Variants in GAS2L3 observed in about 807,000 individuals in gnomAD.
GAS2L3 encodes the protein GAS2-like protein 3.
A neutral mutation model predicts 37.0 loss-of-function variants in GAS2L3; 28 were observed. That is an observed-to-expected ratio of 0.76 (90% CI 0.56 to 1.04). The LOEUF (loss-of-function observed/expected upper bound fraction) is 1.04. GAS2L3 is among the 50% of genes least tolerant of loss of function. GAS2L3 has a pLI of 0.00. For missense variants in GAS2L3, 793 were observed against 817.6 expected (o/e 0.97, Z 0.37); for synonymous variants, 290 against 296.6 (o/e 0.98, Z 0.23).
Position 100,624,045 on chromosome 12 carries a change from A to G in GAS2L3, c.1240A>G (p.Lys414Glu), listed in dbSNP as rs777751610. ...ACTTGCTTCATTAAATCCAGTAGGTAAAAACACTTCTTCACCAGCTTTACC... is the reference window on the plus strand; with the variant it reads ...ACTTGCTTCATTAAATCCAGTAGGTGAAAACACTTCTTCACCAGCTTTACC... ...SSLASLNPVG[K>E]NTSSPALPRT... The change falls in exon 10 of 10, where the codon AAA (lysine) becomes GAA (glutamate). Residue 414 changes from lysine to glutamate, a missense_variant. Physicochemically the swap from Lys to Glu is moderately conservative, Grantham distance 56 (BLOSUM62 1). Coordinates refer to ENST00000547754, the MANE Select transcript of GAS2L3 (RefSeq NM_174942.3). 24 of 1,614,012 alleles carry G rather than the reference A, an allele frequency of 1.5e-5. No individual in the cohort carries two copies. The South Asian group carries it at 2.5e-4, about 17-fold the overall frequency.
At chr12:100,619,617 A>G (rs1956229546) in intron 8 of GAS2L3, among the ~76,000 whole-genome samples, 1 of 151,990 alleles carries the variant, frequency 6.6e-6, no homozygotes, top group African/African-American at 2.4e-5. Context: ...TACCTACATT[A>G]TGCTATTCAT....
At chr12:100,619,741 GA>G (rs1442666879) in intron 8 of GAS2L3, among the ~76,000 whole-genome samples, 1 of 151,908 alleles carries the variant, frequency 6.6e-6, no homozygotes, top group East Asian at 1.9e-4. Flanking sequence ...AATGATAAAT[GA>G]AAAGGAAACA....
chr12:100,618,464 A>G lies in GAS2L3; in HGVS notation c.525A>G (p.Pro175=). Residue 175 remains proline, a synonymous_variant, in exon 8 of 10, where the codon CCA becomes CCG. Transcript: ENST00000547754. ...GRIVSRYGVE[P]PVLVKLEKEI... ...TGGTTTTCAGATACGGGGTTGAGCC[A>G]CCAGTGTTAGTAAAACTTGAGAAAG... 6.2e-7 allele frequency: 1 copy of G among 1,610,416 alleles called. No homozygotes were observed. Among genetic ancestry groups the G allele is most frequent in the Non-Finnish European group, 8.5e-7 (1 of 1,178,446 alleles).
intron 1 of GAS2L3, among the ~76,000 whole-genome samples, chr12:100,584,595 A>G (rs1014317512): frequency 7.4e-5 from 11 of 149,554 alleles, no homozygotes; most frequent in Non-Finnish European, 1.3e-4. Flanking sequence ...TTTTTTTGAG[A>G]CAGAGTCTCG....
At chr12:100,610,279 C>T (rs1187304047) in intron 5 of GAS2L3, among the ~76,000 whole-genome samples, 2 of 152,134 alleles carry the variant, frequency 1.3e-5, no homozygotes, top group East Asian at 1.9e-4. Flanking sequence ...TAACCAGACA[C>T]GTTGGAATAT....
chr12:100,582,731 T>G (rs1477508038), intron 1 of GAS2L3, among the ~76,000 whole-genome samples: 6 of 152,334 alleles, frequency 3.9e-5, no homozygotes, highest in East Asian at 3.9e-4. Context: ...CACAAATTTA[T>G]TGGTTTAAGA....
At chr12:100,617,418 G>T in intron 6 of GAS2L3, among the ~76,000 whole-genome samples, 1 of 152,178 alleles carries the variant, frequency 6.6e-6, no homozygotes. Context: ...TAAAATTGCG[G>T]TACTATATAT....
chr12:100,588,155 A>T (rs551712951), intron 1 of GAS2L3, among the ~76,000 whole-genome samples: 1 of 152,340 alleles, frequency 6.6e-6, no homozygotes, highest in Admixed American at 6.5e-5. Context: ...TAAAACCCTA[A>T]GGACTCCTCC....
intron 6 of GAS2L3, among the ~76,000 whole-genome samples, chr12:100,615,946 A>G (rs1167457650): frequency 2.6e-5 from 4 of 151,878 alleles, no homozygotes; most frequent in Non-Finnish European, 5.9e-5. Flanking sequence ...TTCTTTTTCT[A>G]GATTGGTTAG....
intron 6 of GAS2L3, chr12:100,612,348 C>T: frequency 2.1e-6 from 1 of 479,320 alleles, no homozygotes; most frequent in East Asian, 4.1e-5. Context: ...TTTTATGTGT[C>T]TAGAATGTCC....
Position 100,601,772 on chromosome 12 carries a change from G to C in GAS2L3, c.303+19G>C. 7.7e-7 allele frequency: 1 copy of C among 1,302,916 alleles called. No individual in the cohort carries two copies. 80.7% of individuals were successfully genotyped at this position (1,302,916 alleles called of 1,614,324 possible). On this transcript the variant is annotated intron_variant, in intron 5 of 9. Transcript: ENST00000547754. The stretch of plus-strand genomic sequence containing the variant: ...ATCAGGGGTAAGTAAATGTTCGACA[G>C]TATTGATTTTATGTCTTGGTACATA...
intron 1 of GAS2L3, 126 bp downstream of exon 1, chr12:100,573,911 G>T (rs1311191928): frequency 6.6e-6 from 1 of 152,308 alleles, no homozygotes; most frequent in African/African-American, 2.4e-5. Context: ...GCTGAGGTTT[G>T]TTGGGTCTCC....
chr12:100,607,748 C>G (rs952709317), intron 5 of GAS2L3, among the ~76,000 whole-genome samples: 3 of 152,028 alleles, frequency 2.0e-5, no homozygotes, highest in African/African-American at 7.2e-5. Flanking sequence ...CATTTCTCAA[C>G]TCTAGAATTT....
At chr12:100,581,798 A>C (rs1955715807) in intron 1 of GAS2L3, among the ~76,000 whole-genome samples, 1 of 152,212 alleles carries the variant, frequency 6.6e-6, no homozygotes, top group South Asian at 2.1e-4. Context: ...TTACTTAACA[A>C]GTTTTAAAGG....
Position 100,625,018 on chromosome 12 carries a change from G to C in GAS2L3, c.*128G>C, listed in dbSNP as rs377518720. The C allele has an allele frequency of 5.6e-6, 4 of 718,950 alleles. No homozygotes were observed. Among genetic ancestry groups the C allele is most frequent in the Admixed American group, 5.0e-5 (2 of 39,760 alleles). The allele number at this position is 718,950 out of a possible 1,614,324, so 44.5% of individuals were successfully genotyped here. On this transcript the variant is annotated 3_prime_UTR_variant, in exon 10 of 10. Coordinates refer to ENST00000547754, the MANE Select transcript of GAS2L3 (RefSeq NM_174942.3). ...TAAGGATAGTGAGGATGGAGGCTGG[G>C]ATGAGGAAAGGGTTCATCAGAATTC...
intron 1 of GAS2L3, among the ~76,000 whole-genome samples, chr12:100,583,254 G>T (rs184884778): frequency 6.6e-6 from 1 of 152,338 alleles, no homozygotes; most frequent in Admixed American, 6.5e-5. Context: ...TAATCTGAAA[G>T]GTCCCATTTG....
rs1956334189 is a variant in GAS2L3, at chr12:100,626,557, C to T, written c.*1667C>T. On this transcript the variant is annotated 3_prime_UTR_variant, in exon 10 of 10. Transcript: ENST00000547754. ...TTTTAGTGATCAGAAATATTTAGTG[C>T]ATCTTTTCAGACAGGAAGAATTTTA... The T allele has an allele frequency of 6.6e-6, 1 of 152,158 alleles. No individual in the cohort carries two copies. The highest frequency in any genetic ancestry group is 2.1e-4 in the South Asian group (1 of 4,834). The allele number at this position is 152,158 out of a possible 1,614,324, so 9.4% of individuals were successfully genotyped here.
intron 1 of GAS2L3, among the ~76,000 whole-genome samples, chr12:100,580,633 A>G (rs1242290356): frequency 1.3e-5 from 2 of 152,232 alleles, no homozygotes; most frequent in Non-Finnish European, 2.9e-5. Flanking sequence ...TATATGAACT[A>G]TTTTAAGTCA....
chr12:100,604,133 GA>G (rs1222078438), intron 5 of GAS2L3, among the ~76,000 whole-genome samples: 1 of 151,868 alleles, frequency 6.6e-6, no homozygotes, highest in East Asian at 1.9e-4. Flanking sequence ...CCATTTCTAT[GA>G]AAAACATCAT....
Sources: allele counts gnomAD v4.1 joint callset (sites outside exome capture counted in the v4.1 genomes callset), GRCh38; gene constraint gnomAD v4.1.1; transcripts MANE v1.5; gene names NCBI Gene and HGNC (gene_info 2026-07-23, HGNC 2026-07-21).